Variants in SMYD4 observed in about 807,000 individuals in gnomAD.
SMYD4 encodes the protein protein-lysine N-methyltransferase SMYD4.
In SMYD4, 68 loss-of-function variants were observed where a neutral mutation model predicts 72.8. That is an observed-to-expected ratio of 0.93 (90% CI 0.77 to 1.14). The LOEUF is 1.14. Among genes scored for constraint, SMYD4 ranks in the 50% most tolerant of loss-of-function variants. The pLI, the probability that SMYD4 is intolerant of heterozygous loss-of-function variation, is 0.00. For missense variants in SMYD4, 984 were observed against 1,003.7 expected, an observed-to-expected ratio of 0.98 and a Z score of 0.27; for synonymous variants, 407 against 388.6, an observed-to-expected ratio of 1.05 and a Z score of -0.56.
At chr17:1,810,816 C>T (rs1170241486) in intron 3 of SMYD4, among the ~76,000 whole-genome samples, 2 of 152,328 alleles carry the variant, frequency 1.3e-5, no homozygotes, top group South Asian at 2.1e-4. Flanking sequence ...CGACAGGCAT[C>T]GGCATGCCAT....
At position 1,801,171 on chromosome 17, in the gene SMYD4, C is replaced by T. The variant is rs1426537978; in HGVS notation, c.370-147G>A. The T allele has an allele frequency of 7.3e-6, 5 of 685,776 alleles. No homozygotes were observed. In the South Asian group the frequency reaches 9.8e-5, roughly 13 times the overall value. 42.5% of individuals were successfully genotyped at this position (685,776 alleles called of 1,614,324 possible). On this transcript the variant is annotated intron_variant, in intron 4 of 10. Transcript: ENST00000305513. The stretch of plus-strand genomic sequence containing the variant: ...ACATGCTTATTAAAATCATATAGTT[C>T]TGTGTGATCCTTTGAGTGATTAGCA...
intron 7 of SMYD4, among the ~76,000 whole-genome samples, chr17:1,785,439 G>GAAAAAAAAAAAAAAAAAAA (rs56261871): frequency 8.0e-6 from 1 of 124,554 alleles, no homozygotes; most frequent in Non-Finnish European, 1.7e-5. Context: ...AAAAGAAAAA[G>GAAAAAAAAAAAAAAAAAAA]AAAAAAAAAA....
At chr17:1,804,532 A>T in intron 4 of SMYD4, 94 bp downstream of exon 4, 2 of 1,076,756 alleles carry the variant, frequency 1.9e-6, no homozygotes, top group Non-Finnish European at 2.8e-6. Flanking sequence ...ACATGATTTT[A>T]GTGTTCTATG....
At chr17:1,782,975 T>C (rs528264451) in intron 10 of SMYD4, 60 bp downstream of exon 10, 3 of 1,555,950 alleles carry the variant, frequency 1.9e-6, no homozygotes, top group Non-Finnish European at 2.6e-6. Context: ...AAAAAAGTAA[T>C]ACCCAGAAGA....
chr17:1,793,066 C>T (rs541000309), intron 5 of SMYD4, among the ~76,000 whole-genome samples: 1 of 152,144 alleles, frequency 6.6e-6, no homozygotes, highest in Non-Finnish European at 1.5e-5. Flanking sequence ...CACAAGCGCG[C>T]ACCACCACAC....
At chr17:1,793,935 C>T (rs1383593396) in intron 5 of SMYD4, among the ~76,000 whole-genome samples, 1 of 148,326 alleles carries the variant, frequency 6.7e-6, no homozygotes, top group East Asian at 2.0e-4. Context: ...ATTCTCCTGC[C>T]TTGGCCTCCC....
Position 1,811,936 on chromosome 17 carries a change from T to C in SMYD4, c.279+35A>G, listed in dbSNP as rs751410128. On this transcript the variant is annotated intron_variant, in intron 3 of 10. Transcript: ENST00000305513. ...AGCAAGATTCTGTCTCAGAGAAAAA[T>C]AAATAATAAATTGCTTGAGCTGGGA... 7 of 1,603,988 alleles carry C rather than the reference T, an allele frequency of 4.4e-6. No individual in the cohort carries two copies. The African/African-American group carries it at 8.1e-5, about 19-fold the overall frequency.
At position 1,783,362 on chromosome 17, in the gene SMYD4, A is replaced by G; in HGVS notation, c.2135T>C (p.Leu712Ser). The G allele has an allele frequency of 1.9e-6, 3 of 1,612,222 alleles. No individual in the cohort carries two copies. Among genetic ancestry groups the G allele is most frequent in the East Asian group, 2.2e-5 (1 of 44,874 alleles). The change falls in exon 9 of 11, where the codon TTA becomes TCA. Residue 712 changes from leucine to serine, a missense_variant and splice_region_variant. Transcript: ENST00000305513. ...ADGLARACAA[L>S]GDWQKSATHL... ...GAACGTGAAGGCTCATGCTGTACCT[A>G]AGGCAGCACAGGCCCGGGCCAGGCC... is the stretch of plus-strand genomic sequence containing the variant.
chr17:1,800,285 A>AGG lies in SMYD4; in HGVS notation c.1108_1109insCC (p.Leu370ProfsTer27), dbSNP rs774946478. 8 of 1,613,990 alleles carry AGG rather than the reference A, an allele frequency of 5.0e-6. No homozygotes were observed. In the South Asian group the frequency reaches 8.8e-5, roughly 18 times the overall value. On this transcript the variant is annotated frameshift_variant, in exon 5 of 11. Coordinates refer to ENST00000305513, the MANE Select transcript of SMYD4 (RefSeq NM_052928.3). LOFTEE classifies it high-confidence loss of function. ...GTCCTTGTTACTAATCTTATCACAA[A>AGG]GCTTCGTTATGATTTTGCGAACATC...
intron 4 of SMYD4, among the ~76,000 whole-genome samples, chr17:1,801,918 G>A (rs1026773111): frequency 2.6e-5 from 4 of 152,108 alleles, no homozygotes; most frequent in African/African-American, 9.7e-5. Flanking sequence ...TGAGGTTGCA[G>A]CGAGCCGAGA....
chr17:1,791,246 G>A (rs1208397664), intron 5 of SMYD4, among the ~76,000 whole-genome samples: 1 of 151,680 alleles, frequency 6.6e-6, no homozygotes, highest in South Asian at 2.1e-4. Flanking sequence ...AATCCGGATA[G>A]ATCATAAATA....
chr17:1,828,796 C>T (rs1238423431), intron 1 of SMYD4, among the ~76,000 whole-genome samples: 1 of 152,006 alleles, frequency 6.6e-6, no homozygotes, highest in African/African-American at 2.4e-5. Flanking sequence ...GGGGTTTCAC[C>T]ATGTTGGCCA....
intron 3 of SMYD4, among the ~76,000 whole-genome samples, chr17:1,805,934 T>G (rs1436667990): frequency 6.7e-6 from 1 of 150,220 alleles, no homozygotes; most frequent in African/African-American, 2.4e-5. Context: ...ATTCTTTTTT[T>G]TTTTTTTGAG....
intron 2 of SMYD4, among the ~76,000 whole-genome samples, chr17:1,812,911 A>G (rs183842541): frequency 1.3e-5 from 2 of 151,022 alleles, no homozygotes; most frequent in East Asian, 2.0e-4. Context: ...TTATTGGCCA[A>G]CGAACCATCC....
intron 5 of SMYD4, among the ~76,000 whole-genome samples, chr17:1,797,397 G>A (rs576597657): frequency 6.6e-6 from 1 of 152,346 alleles, no homozygotes; most frequent in African/African-American, 2.4e-5. Context: ...AATAATAGTT[G>A]TATCTGTTGT....
intron 2 of SMYD4, among the ~76,000 whole-genome samples, chr17:1,823,271 G>A (rs1910983102): frequency 6.6e-6 from 1 of 151,030 alleles, no homozygotes; most frequent in African/African-American, 2.4e-5. Flanking sequence ...GCAGGCGCCT[G>A]TAGTCCCAGC....
intron 2 of SMYD4, among the ~76,000 whole-genome samples, chr17:1,819,045 T>G (rs1163934784): frequency 1.3e-5 from 2 of 151,996 alleles, no homozygotes; most frequent in Non-Finnish European, 2.9e-5. Context: ...CATGGTTAGA[T>G]TCACATTAAA....
intron 10 of SMYD4, 141 bp from the exon 11 acceptor site, chr17:1,781,580 T>C: frequency 2.1e-6 from 2 of 937,140 alleles, no homozygotes; most frequent in Non-Finnish European, 3.1e-6. Context: ...AGTAAGACAC[T>C]GTCACAAACA....
intron 5 of SMYD4, among the ~76,000 whole-genome samples, chr17:1,791,296 T>C (rs1037296554): frequency 6.6e-6 from 1 of 152,078 alleles, no homozygotes; most frequent in African/African-American, 2.4e-5. Flanking sequence ...TGTCACGGTC[T>C]AGAAAATCAT....
Sources: allele counts gnomAD v4.1 joint callset (sites outside exome capture counted in the v4.1 genomes callset), GRCh38; gene constraint gnomAD v4.1.1; transcripts MANE v1.5; gene names NCBI Gene and HGNC (gene_info 2026-07-23, HGNC 2026-07-21).